Variants in DGKI observed in about 807,000 individuals in gnomAD.
DGKI encodes the protein diacylglycerol kinase iota.
A neutral mutation model predicts 147.5 loss-of-function variants in DGKI; 55 were observed. The observed-to-expected ratio is 0.37, with a 90% CI of 0.30 to 0.47. The LOEUF (loss-of-function observed/expected upper bound fraction) is 0.47, where lower values mean the gene tolerates loss of function less well. Among genes scored for constraint, DGKI ranks in the 20% least tolerant of loss-of-function variants. The pLI is 1.00. For synonymous variants in DGKI, 469 were observed against 477.1 expected, an observed-to-expected ratio of 0.98 and a Z score of 0.22; for missense variants, 1,007 against 1,323.8, an observed-to-expected ratio of 0.76 and a Z score of 3.71.
At chr7:137,756,655 G>A (rs744676) in intron 1 of DGKI, among the ~76,000 whole-genome samples, 160 of 152,230 alleles carry the variant, frequency 1.1e-3, no homozygotes, top group Non-Finnish European at 2.0e-3. Flanking sequence ...TTCTTAAAGA[G>A]CTATTTAACT....
chr7:137,532,271 C>G (rs1817367097), intron 20 of DGKI, among the ~76,000 whole-genome samples: 1 of 152,006 alleles, frequency 6.6e-6, no homozygotes, highest in Non-Finnish European at 1.5e-5. Context: ...GAAACAGGCT[C>G]AGTCAAGGGA....
At chr7:137,464,655 G>T in intron 26 of DGKI, among the ~76,000 whole-genome samples, 1 of 152,104 alleles carries the variant, frequency 6.6e-6, no homozygotes. Flanking sequence ...CCTAGACTTG[G>T]TACATATTGG....
chr7:137,558,032 C>T (rs1465455363), intron 19 of DGKI, among the ~76,000 whole-genome samples: 1 of 152,158 alleles, frequency 6.6e-6, no homozygotes, highest in African/African-American at 2.4e-5. Context: ...CATAACTAGC[C>T]TCCTGTACTA....
rs1018525602 is a variant in DGKI, at chr7:137,427,312, A to C, written c.2762-15105T>G. 2.0e-5 allele frequency among the ~76,000 whole-genome samples: 3 copies of C among 152,228 alleles called. 1 individual carries two copies. Among genetic ancestry groups the C allele is most frequent in the Middle Eastern group, 6.3e-3 (2 of 316 alleles). Reference sequence around the variant, plus strand: ...CTCCTGAATGACTACTGGGTACATAAGGAAACGAAGGCAGAAATAAAGATG... The same window carrying C: ...CTCCTGAATGACTACTGGGTACATACGGAAACGAAGGCAGAAATAAAGATG... On this transcript the variant is annotated intron_variant, in intron 28 of 32. Transcript: ENST00000614521.
rs568786581 is a variant in DGKI, at chr7:137,556,008, T to TAAA, written c.1948-3441_1948-3440insTTT. ...TAATTGCTGCCAGTGGTCTCTTTTA[T>TAAA]AGAAGTTAAAGTTATTATGGTTTAT... On this transcript the variant is annotated intron_variant, in intron 19 of 32. Coordinates refer to ENST00000614521, the MANE Select transcript of DGKI (RefSeq NM_001321708.2). Among the ~76,000 whole-genome samples, 217 of 152,312 alleles carry TAAA rather than the reference T, an allele frequency of 1.4e-3. 1 individual carries two copies. The highest frequency in any genetic ancestry group is 5.0e-3 in the African/African-American group (208 of 41,570).
chr7:137,639,885 C>G (rs1821560603), intron 6 of DGKI, among the ~76,000 whole-genome samples: 1 of 152,140 alleles, frequency 6.6e-6, no homozygotes, highest in African/African-American at 2.4e-5. Flanking sequence ...ACTGTACATA[C>G]TTCATGTACA....
intron 2 of DGKI, among the ~76,000 whole-genome samples, chr7:137,687,296 G>C (rs997430302): frequency 6.6e-6 from 1 of 152,114 alleles, no homozygotes; most frequent in Non-Finnish European, 1.5e-5. Flanking sequence ...CTTTTTATTT[G>C]AAAGAATCAA....
intron 28 of DGKI, among the ~76,000 whole-genome samples, chr7:137,429,119 A>G (rs1408729057): frequency 6.6e-6 from 1 of 152,230 alleles, no homozygotes; most frequent in Admixed American, 6.5e-5. Context: ...AAAAGAACAA[A>G]GCTGGAGGAA....
intron 1 of DGKI, among the ~76,000 whole-genome samples, chr7:137,705,742 G>A (rs1027740558): frequency 1.2e-4 from 18 of 152,004 alleles, no homozygotes; most frequent in Non-Finnish European, 2.4e-4. Context: ...TAAATTAATA[G>A]ACAAATAATA....
In DGKI at chr7:137,465,908, C is replaced by G. The variant is rs1236130658; in HGVS notation, c.2612G>C (p.Gly871Ala). The G allele has an allele frequency of 6.2e-7, 1 of 1,613,662 alleles. No individual in the cohort carries two copies. Among genetic ancestry groups the G allele is most frequent in the Non-Finnish European group, 8.5e-7 (1 of 1,179,814 alleles). The part of the protein sequence containing the change: ...MPDLVVEQAS[G>A]ISDWWNPALR... ...CACAGGCCAGGAGAAGCACACTCACCCCGAGGCTTGTTCCACCACCAGGTC... is the reference window on the plus strand; with the variant it reads ...CACAGGCCAGGAGAAGCACACTCACGCCGAGGCTTGTTCCACCACCAGGTC... The change falls in exon 26 of 33, where the codon GGG becomes GCG. Residue 871 changes from glycine to alanine, a missense_variant and splice_region_variant. Gly to Ala is a moderately conservative substitution (Grantham distance 60). Coordinates refer to ENST00000614521, the MANE Select transcript of DGKI (RefSeq NM_001321708.2).
Position 137,451,804 on chromosome 7 carries a change from A to G in DGKI, c.2736-7702T>C, listed in dbSNP as rs1813971619. Among the ~76,000 whole-genome samples, 3 of 152,190 alleles carry G rather than the reference A, an allele frequency of 2.0e-5. No homozygotes were observed. In the South Asian group the frequency reaches 6.2e-4, roughly 31 times the overall value. ...CCTAATACAATATCCTTTTCATTTC[A>G]ATAACACTGTCCAGTTTTCTTTCTT... On this transcript the variant is annotated intron_variant, in intron 27 of 32. Coordinates refer to ENST00000614521, the MANE Select transcript of DGKI (RefSeq NM_001321708.2).
intron 1 of DGKI, among the ~76,000 whole-genome samples, chr7:137,827,466 A>G (rs760322931): frequency 2.6e-5 from 4 of 152,230 alleles, no homozygotes; most frequent in Admixed American, 6.5e-5. Context: ...ATCCTTTCTC[A>G]TGCAATTCCT....
chr7:137,443,312 G>A (rs574831022), intron 28 of DGKI, among the ~76,000 whole-genome samples: 42 of 152,208 alleles, frequency 2.8e-4, no homozygotes, highest in Admixed American at 1.7e-3. Flanking sequence ...GTGCTAGCCC[G>A]GTATACAGTG....
intron 1 of DGKI, among the ~76,000 whole-genome samples, chr7:137,717,312 AAAGG>A (rs1585403668): frequency 6.6e-6 from 1 of 152,210 alleles, no homozygotes; most frequent in African/African-American, 2.4e-5. Context: ...TCAAGAAGGA[AAAGG>A]AAGAGGAAAA....
chr7:137,581,675 C>T (rs1261678442), intron 15 of DGKI, among the ~76,000 whole-genome samples, 175 bp downstream of exon 15: 1 of 152,056 alleles, frequency 6.6e-6, no homozygotes, highest in Non-Finnish European at 1.5e-5. Context: ...GTCTCAGGGT[C>T]CCATTTATAA....
At chr7:137,466,751 CA>C (rs1202373495) in intron 25 of DGKI, 150 bp downstream of exon 25, 3 of 753,278 alleles carry the variant, frequency 4.0e-6, no homozygotes, top group Non-Finnish European at 6.8e-6. Flanking sequence ...CACGTGAAGA[CA>C]AATAAAAGGT....
At chr7:137,713,269 C>A (rs1257354318) in intron 1 of DGKI, among the ~76,000 whole-genome samples, 7 of 152,164 alleles carry the variant, frequency 4.6e-5, no homozygotes, top group Non-Finnish European at 7.3e-5. Context: ...CTGGCTCCAG[C>A]TTGGAATTAA....
intron 30 of DGKI, among the ~76,000 whole-genome samples, chr7:137,398,997 G>A (rs1303507316): frequency 1.2e-5 from 1 of 84,772 alleles, no homozygotes; most frequent in East Asian, 3.4e-4. Flanking sequence ...TGTTCCCAGG[G>A]TTCCATTTTT....
chr7:137,623,415 C>A (rs1820820461), intron 7 of DGKI, 68 bp downstream of exon 7: 1 of 1,452,998 alleles, frequency 6.9e-7, no homozygotes, highest in East Asian at 2.3e-5. Flanking sequence ...GGGAGAAACT[C>A]AAATAATGAC....
Sources: allele counts gnomAD v4.1 joint callset (sites outside exome capture counted in the v4.1 genomes callset), GRCh38; gene constraint gnomAD v4.1.1; transcripts MANE v1.5; gene names NCBI Gene and HGNC (gene_info 2026-07-23, HGNC 2026-07-21).